ARHGAP8: variants seen among roughly 807,000 people sequenced by gnomAD.
ARHGAP8 encodes Rho GTPase activating protein 8.
ARHGAP8 carries 62 observed loss-of-function variants against 46.1 expected under a neutral mutation model. That is an observed-to-expected ratio of 1.34 (90% confidence interval 1.10 to 1.66). The LOEUF is 1.66. ARHGAP8 is among the 40% of genes most tolerant of loss of function. ARHGAP8 has a pLI of 0.00. For synonymous variants in ARHGAP8, 375 were observed against 243.1 expected (o/e 1.54, Z -5.05); for missense variants, 923 against 568.4 (o/e 1.62, Z -6.34).
intron 1 of ARHGAP8, among the ~76,000 whole-genome samples, chr22:44,756,964 C>T (rs1172456764): frequency 1.3e-5 from 2 of 152,068 alleles, no homozygotes; most frequent in African/African-American, 4.8e-5. Context: ...TGCTCTGTTG[C>T]TCAGACTAGA....
intron 2 of ARHGAP8, among the ~76,000 whole-genome samples, chr22:44,797,729 A>G (rs556257358): frequency 6.6e-6 from 1 of 152,198 alleles, no homozygotes; most frequent in Non-Finnish European, 1.5e-5. Flanking sequence ...GGGCGGGGAC[A>G]TCAAAGAGTT....
chr22:44,860,226 C>T (rs1175687966), intron 11 of ARHGAP8, among the ~76,000 whole-genome samples: 2 of 152,046 alleles, frequency 1.3e-5, no homozygotes, highest in African/African-American at 4.8e-5. Context: ...AAGGGATACA[C>T]CCAGAACCAC....
intron 7 of ARHGAP8, among the ~76,000 whole-genome samples, chr22:44,836,871 C>T (rs915201123): frequency 6.6e-6 from 1 of 151,832 alleles, no homozygotes; most frequent in Non-Finnish European, 1.5e-5. Flanking sequence ...TTCTTTCTTT[C>T]TTGTTTTGTT....
chr22:44,765,793 C>CCTGA (rs1166988155), intron 1 of ARHGAP8: 1 of 152,392 alleles, frequency 6.6e-6, no homozygotes, highest in Non-Finnish European at 1.5e-5. Context: ...GGCCCTTCTT[C>CCTGA]CTGACCAGCT....
intron 1 of ARHGAP8, among the ~76,000 whole-genome samples, chr22:44,760,962 G>A (rs1044916785): frequency 2.0e-5 from 3 of 152,176 alleles, no homozygotes; most frequent in Non-Finnish European, 4.4e-5. Context: ...CATGCAGGGC[G>A]AGGCAGGCTT....
intron 1 of ARHGAP8, among the ~76,000 whole-genome samples, chr22:44,779,736 T>G (rs1032893639): frequency 6.6e-6 from 1 of 151,726 alleles, no homozygotes; most frequent in African/African-American, 2.4e-5. Context: ...GCCCAGCTAA[T>G]TTTTGTATTT....
chr22:44,860,335 C>CTG (rs1262220064), intron 11 of ARHGAP8, among the ~76,000 whole-genome samples: 1 of 152,160 alleles, frequency 6.6e-6, no homozygotes, highest in African/African-American at 2.4e-5. Context: ...GTGTGGCGGG[C>CTG]TGTGCTCCTT....
At chr22:44,813,640 T>C (rs965951138) in intron 4 of ARHGAP8, among the ~76,000 whole-genome samples, 15 of 150,796 alleles carry the variant, frequency 9.9e-5, no homozygotes, top group African/African-American at 3.2e-4. Context: ...TACACACACC[T>C]ACACACACAC....
chr22:44,792,795 G>A (rs1000771688), intron 2 of ARHGAP8, among the ~76,000 whole-genome samples: 1 of 115,942 alleles, frequency 8.6e-6, no homozygotes, highest in African/African-American at 3.6e-5. Flanking sequence ...TAACGACAGT[G>A]GTGGTGGTGG....
intron 1 of ARHGAP8, among the ~76,000 whole-genome samples, chr22:44,763,763 C>T (rs1343559248): frequency 1.3e-5 from 2 of 149,074 alleles, no homozygotes; most frequent in South Asian, 2.1e-4. Context: ...AAGGCGGAAT[C>T]GGTGTGTTTA....
At chr22:44,831,466 C>T (rs976593220) in intron 7 of ARHGAP8, among the ~76,000 whole-genome samples, 6 of 152,062 alleles carry the variant, frequency 3.9e-5, no homozygotes, top group African/African-American at 9.7e-5. Flanking sequence ...GAGGCTGAGG[C>T]GGGTGGATCA....
intron 3 of ARHGAP8, among the ~76,000 whole-genome samples, chr22:44,803,178 G>A (rs2017317): frequency 0.41 from 63,002 of 152,056 alleles, 13,247 homozygotes; most frequent in South Asian, 0.54. Flanking sequence ...GTGGCAGGAC[G>A]TGGAAGGGGC....
At chr22:44,845,197 C>A (rs1292074215) in intron 7 of ARHGAP8, 72 bp from the exon 8 acceptor site, 9 of 1,584,070 alleles carry the variant, frequency 5.7e-6, no homozygotes, top group Non-Finnish European at 7.8e-6. Flanking sequence ...TGGAGAGGAC[C>A]AGCGCCTCTT....
At chr22:44,765,244 G>A (rs1569133609) in intron 1 of ARHGAP8, 1 of 152,386 alleles carries the variant, frequency 6.6e-6, no homozygotes, top group African/African-American at 2.4e-5. Flanking sequence ...CTCCTGCAAG[G>A]CTTTGAAGCA....
intron 2 of ARHGAP8, among the ~76,000 whole-genome samples, chr22:44,794,923 C>T (rs1310296177): frequency 1.3e-5 from 2 of 151,418 alleles, no homozygotes; most frequent in African/African-American, 4.9e-5. Context: ...AGCCTGTAAT[C>T]CCAGCTACTT....
chr22:44,847,173 A>G (rs777231177), intron 8 of ARHGAP8, among the ~76,000 whole-genome samples: 8 of 152,202 alleles, frequency 5.3e-5, no homozygotes, highest in Non-Finnish European at 1.0e-4. Context: ...CCCCAAGGGC[A>G]GGCTCAGGCC....
At chr22:44,808,131 C>G (rs528633678) in intron 3 of ARHGAP8, among the ~76,000 whole-genome samples, 176 bp from the exon 4 acceptor site, 2 of 152,334 alleles carry the variant, frequency 1.3e-5, no homozygotes, top group Admixed American at 6.5e-5. Context: ...CTTAACGTCT[C>G]TGAGCCTCAG....
chr22:44,823,841 TGTGCAGGTGGCTGGCAACACTGAGG>T (rs1306763079), intron 6 of ARHGAP8, among the ~76,000 whole-genome samples: 1 of 152,042 alleles, frequency 6.6e-6, no homozygotes. Context: ...GCCTCTGGAA[TGTGCAGGTGGCTGGCAACACTGAGG>T]GTGCAGGGTC....
intron 2 of ARHGAP8, 70 bp from the exon 3 acceptor site, chr22:44,802,006 CT>C: frequency 3.1e-6 from 5 of 1,594,526 alleles, no homozygotes; most frequent in Non-Finnish European, 4.3e-6. Context: ...AAGGAGGCTG[CT>C]TTTTGCTAAG....
Sources: allele counts gnomAD v4.1 joint callset (sites outside exome capture counted in the v4.1 genomes callset), GRCh38; gene constraint gnomAD v4.1.1; transcripts MANE v1.5; gene names NCBI Gene and HGNC (gene_info 2026-07-23, HGNC 2026-07-21).